Variants in PAEP observed in about 807,000 individuals in gnomAD.
PAEP encodes the protein progestagen associated endometrial protein, also known as glycodelin.
PAEP carries 28 observed loss-of-function variants against 23.0 expected under a neutral mutation model. The observed-to-expected ratio is 1.22, with a 90% CI of 0.90 to 1.67. The LOEUF (loss-of-function observed/expected upper bound fraction) is 1.67. Among genes scored for constraint, PAEP ranks in the 40% most tolerant of loss-of-function variants. The pLI is 0.00. For synonymous variants in PAEP, 103 were observed against 92.4 expected (o/e 1.12, Z -0.66); for missense variants, 209 against 226.4 (o/e 0.92, Z 0.49).
chr9:135,562,485 C>T (rs34870904), intron 2 of PAEP, 52 bp downstream of exon 2: 114,184 of 1,593,158 alleles, frequency 0.072, 4,786 homozygotes, highest in Non-Finnish European at 0.081. Flanking sequence ...TCTCCCCCCT[C>T]AGGGGTCCAG....
In PAEP at chr9:135,565,418, C is replaced by G. The variant is rs767248188; in HGVS notation, c.430C>G (p.Leu144Val). 1.2e-6 allele frequency: 2 copies of G among 1,614,072 alleles called. No homozygotes were observed. Among genetic ancestry groups the G allele is most frequent in the African/African-American group, 1.3e-5 (1 of 75,054 alleles). The change falls in exon 5 of 7, where the codon CTG (leucine) becomes GTG (valine). Residue 144 changes from leucine (L) to valine (V), a missense_variant. Physicochemically the swap from Leu to Val is conservative, Grantham distance 32. Transcript: ENST00000479141. ...SMMCQYLARV[L>V]VEDDEIMQGF... is the part of the protein sequence containing the mutation. ...CCCAGCCTCTTCCACAGCCAGAGTC[C>G]TGGTGGAGGACGATGAGATCATGCA... is the stretch of plus-strand genomic sequence containing the variant.
At chr9:135,566,314 C>T (rs558135847) in intron 6 of PAEP, 2 of 156,510 alleles carry the variant, frequency 1.3e-5, no homozygotes, top group South Asian at 1.9e-4. Flanking sequence ...GAACCACAGG[C>T]GTGTGCCACC....
Position 135,562,246 on chromosome 9 carries a change from G to A in PAEP, c.97-48G>A, listed in dbSNP as rs760300019. 4.2e-5 allele frequency: 67 copies of A among 1,598,330 alleles called. 1 individual carries two copies. Among genetic ancestry groups the A allele is most frequent in the Middle Eastern group, 1.7e-4 (1 of 5,934 alleles). Reference sequence around the variant, plus strand: ...CAGCCCCGTCTGCACCGGGTGCAACGAGAGCCATGGTGGGGTGGGACCGCC... The same window carrying A: ...CAGCCCCGTCTGCACCGGGTGCAACAAGAGCCATGGTGGGGTGGGACCGCC... On this transcript the variant is annotated intron_variant, in intron 1 of 6. Coordinates refer to ENST00000479141, the MANE Select transcript of PAEP (RefSeq NM_002571.4).
intron 5 of PAEP, 54 bp from the exon 6 acceptor site, chr9:135,565,731 C>T: frequency 6.2e-7 from 1 of 1,606,388 alleles, no homozygotes; most frequent in South Asian, 1.1e-5. Context: ...GCTGCTGTGT[C>T]CCCAGCTGTC....
At chr9:135,562,548 C>A in intron 2 of PAEP, 115 bp downstream of exon 2, 1 of 1,324,370 alleles carries the variant, frequency 7.6e-7, no homozygotes, top group Non-Finnish European at 1.0e-6. Flanking sequence ...TTCTGACAGC[C>A]AGGGGCTTCA....
intron 6 of PAEP, chr9:135,566,164 C>A: frequency 1.2e-5 from 3 of 243,368 alleles, no homozygotes; most frequent in Non-Finnish European, 2.4e-5. Flanking sequence ...CTCGGTCCCA[C>A]GTTCTTTTTT....
Position 135,566,669 on chromosome 9 carries a change from C to G in PAEP, c.*117C>G, listed in dbSNP as rs1284779850. ...GCTCAGAAGACGATGACGTGGTCAT[C>G]TGTGTCGCCATCCCCTTCCTGCTGC... On this transcript the variant is annotated 3_prime_UTR_variant, in exon 7 of 7. Coordinates refer to ENST00000479141, the MANE Select transcript of PAEP (RefSeq NM_002571.4). The G allele has an allele frequency of 6.5e-6, 1 of 154,928 alleles. No individual in the cohort carries two copies. Among genetic ancestry groups the G allele is most frequent in the Non-Finnish European group, 1.5e-5 (1 of 68,282 alleles). 9.6% of individuals were successfully genotyped at this position (154,928 alleles called of 1,614,324 possible).
chr9:135,564,971 G>A (rs746321472), intron 4 of PAEP: 2 of 713,722 alleles, frequency 2.8e-6, no homozygotes, highest in South Asian at 6.3e-5. Context: ...TCAACCAAAC[G>A]AAGGCCAGGA....
chr9:135,564,228 T>C lies in PAEP; in HGVS notation c.311-16T>C, dbSNP rs1431366772. The C allele has an allele frequency of 2.8e-5, 43 of 1,551,996 alleles. No homozygotes were observed. Among genetic ancestry groups the C allele is most frequent in the Non-Finnish European group, 3.7e-5 (42 of 1,147,048 alleles). ...GAGGCTTCATCTTCCTTTTGGTTCT[T>C]CTCTTCTTTCCCCAGATACGGTGGC... On this transcript the variant is annotated splice_polypyrimidine_tract_variant and intron_variant, in intron 3 of 6. Transcript: ENST00000479141.
intron 5 of PAEP, 53 bp from the exon 6 acceptor site, chr9:135,565,732 C>T (rs1221930097): frequency 1.2e-6 from 2 of 1,608,360 alleles, no homozygotes; most frequent in Non-Finnish European, 1.7e-6. Context: ...CTGCTGTGTC[C>T]CCAGCTGTCT....
chr9:135,565,358 C>T, intron 4 of PAEP, 52 bp from the exon 5 acceptor site: 1 of 1,445,982 alleles, frequency 6.9e-7, no homozygotes, highest in South Asian at 1.1e-5. Context: ...TGGAGCTCCC[C>T]AGCTCTCATG....
intron 3 of PAEP, among the ~76,000 whole-genome samples, chr9:135,563,215 T>C (rs905891459): frequency 6.6e-6 from 1 of 152,038 alleles, no homozygotes; most frequent in African/African-American, 2.4e-5. Flanking sequence ...GGCGAGCAGG[T>C]GGGCAGGTGG....
intron 3 of PAEP, among the ~76,000 whole-genome samples, chr9:135,563,691 A>G (rs895933417): frequency 7.2e-5 from 11 of 152,150 alleles, no homozygotes; most frequent in African/African-American, 2.7e-4. Context: ...TCTTCCTAAC[A>G]ATTTGCAACA....
chr9:135,561,824 T>C lies in PAEP; in HGVS notation c.23T>C (p.Leu8Pro), dbSNP rs368806607. The C allele has an allele frequency of 6.4e-7, 1 of 1,556,988 alleles. No homozygotes were observed. Among genetic ancestry groups the C allele is most frequent in the East Asian group, 2.4e-5 (1 of 41,666 alleles). Reference sequence around the variant, plus strand: ...GCCATGCTGTGCCTCCTGCTCACCCTGGGCGTGGCCCTGGTCTGTGGTGTC... The same window carrying C: ...GCCATGCTGTGCCTCCTGCTCACCCCGGGCGTGGCCCTGGTCTGTGGTGTC... MLCLLLT[L>P]GVALVCGVPA... Residue 8 changes from leucine to proline, a missense_variant, in exon 1 of 7, where the codon CTG (leucine) becomes CCG (proline). Coordinates refer to ENST00000479141, the MANE Select transcript of PAEP (RefSeq NM_002571.4).
intron 4 of PAEP, chr9:135,564,614 G>T: frequency 1.7e-6 from 1 of 598,356 alleles, no homozygotes; most frequent in Non-Finnish European, 2.1e-6. Context: ...AGCGATTCTC[G>T]TGCCTCAGCC....
chr9:135,562,894 G>A lies in PAEP; in HGVS notation c.310+1G>A. 1 of 1,612,026 alleles carries A rather than the reference G, an allele frequency of 6.2e-7. No individual in the cohort carries two copies. The highest frequency in any genetic ancestry group is 1.1e-5 in the South Asian group (1 of 91,008). On this transcript the variant is annotated splice_donor_variant, in intron 3 of 6. Transcript: ENST00000479141. LOFTEE classifies it high-confidence loss of function. Reference sequence around the variant, plus strand: ...AATCCAAAGAAGTTCAAGATCAACTGTGAGTGTCCCCAGGCCCCAAGGGCT... The same window carrying A: ...AATCCAAAGAAGTTCAAGATCAACTATGAGTGTCCCCAGGCCCCAAGGGCT...
At chr9:135,564,955 A>C (rs7036154) in intron 4 of PAEP, 48,376 of 854,252 alleles carry the variant, frequency 0.057, 4,027 homozygotes, top group East Asian at 0.52. Context: ...GAAACCTATG[A>C]TGCTGTCAAC....
chr9:135,563,518 G>A (rs905120852), intron 3 of PAEP, among the ~76,000 whole-genome samples: 13 of 151,884 alleles, frequency 8.6e-5, no homozygotes, highest in African/African-American at 2.4e-4. Flanking sequence ...AGGTGGGCAG[G>A]TGGGCAGGTG....
At chr9:135,562,799 C>T in intron 2 of PAEP, 21 bp from the exon 3 acceptor site, 1 of 1,601,572 alleles carries the variant, frequency 6.2e-7, no homozygotes, top group Non-Finnish European at 8.6e-7. Flanking sequence ...GGCCACTCAT[C>T]CTATTGTCAC....
Sources: gnomAD v4.1 joint callset for allele counts (sites outside exome capture counted in the v4.1 genomes callset) on GRCh38, gnomAD v4.1.1 for gene constraint, MANE v1.5 for transcripts, NCBI Gene and HGNC (gene_info 2026-07-23, HGNC 2026-07-21) for gene names.